The following FHIT variants were observed in gnomAD, a reference collection of about 807,000 sequenced individuals.
FHIT encodes the protein fragile histidine triad diadenosine triphosphatase.
A neutral mutation model predicts 17.9 loss-of-function variants in FHIT; 19 were observed. That is an observed-to-expected ratio of 1.06 (90% CI 0.74 to 1.56). The LOEUF is 1.56. FHIT is among the 40% of genes most tolerant of loss of function. The pLI, the probability that FHIT is intolerant of heterozygous loss-of-function variation, is 0.00. For missense variants in FHIT, 248 were observed against 189.2 expected (o/e 1.31, Z -1.82); for synonymous variants, 81 against 69.7 (o/e 1.16, Z -0.81).
At chr3:59,767,615 G>A (rs947365284) in intron 8 of FHIT, among the ~76,000 whole-genome samples, 2 of 152,180 alleles carry the variant, frequency 1.3e-5, no homozygotes, top group Admixed American at 1.3e-4. Flanking sequence ...CAACATTAAG[G>A]ATGGAATAAT....
At chr3:60,758,080 G>C (rs1317646757) in intron 4 of FHIT, among the ~76,000 whole-genome samples, 1 of 152,132 alleles carries the variant, frequency 6.6e-6, no homozygotes, top group Non-Finnish European at 1.5e-5. Flanking sequence ...TAGGATATTA[G>C]TCCCTCAGCA....
intron 8 of FHIT, among the ~76,000 whole-genome samples, chr3:59,811,725 G>A (rs765224662): frequency 2.0e-5 from 3 of 152,196 alleles, no homozygotes; most frequent in Non-Finnish European, 4.4e-5. Flanking sequence ...GCTGCAGAGA[G>A]AGGAATATAT....
rs17063215 is a variant in FHIT at position 60,463,962 on chromosome 3, G to C, written c.103+72898C>G. Among the ~76,000 whole-genome samples the C allele has an allele frequency of 9.3e-3, 1,417 of 152,300 alleles. 14 individuals carry two copies. Among genetic ancestry groups the C allele is most frequent in the East Asian group, 0.037 (191 of 5,188 alleles). On this transcript the variant is annotated intron_variant, in intron 5 of 9. Coordinates refer to ENST00000492590, the MANE Select transcript of FHIT (RefSeq NM_002012.4). Reference sequence around the variant, plus strand: ...CTACTTTGGCCATTCTAGCAAGTGTGTGGCAAAGAGGGATAACAGAAGCTC... The same window carrying C: ...CTACTTTGGCCATTCTAGCAAGTGTCTGGCAAAGAGGGATAACAGAAGCTC...
chr3:60,476,503 G>A (rs1170195805), intron 5 of FHIT, among the ~76,000 whole-genome samples: 1 of 152,164 alleles, frequency 6.6e-6, no homozygotes, highest in South Asian at 2.1e-4. Context: ...TCAACGATTG[G>A]GCAGAAAGGA....
intron 4 of FHIT, among the ~76,000 whole-genome samples, chr3:60,673,318 GT>G (rs1553694484): frequency 6.6e-6 from 1 of 152,100 alleles, no homozygotes; most frequent in East Asian, 1.9e-4. Context: ...TAAAACTTAG[GT>G]TTTGTTTATG....
At chr3:60,697,403 A>G (rs991512992) in intron 4 of FHIT, among the ~76,000 whole-genome samples, 3 of 152,158 alleles carry the variant, frequency 2.0e-5, no homozygotes, top group African/African-American at 7.2e-5. Context: ...CTGTTCATAC[A>G]TGTCATATGC....
chr3:60,107,063 C>T (rs6807027), intron 5 of FHIT, among the ~76,000 whole-genome samples: 91,360 of 151,098 alleles, frequency 0.6, 28,730 homozygotes, highest in South Asian at 0.72. Flanking sequence ...CTGAATTTTA[C>T]ATGCATTTGA....
At chr3:61,161,404 A>G (rs1053355611) in intron 2 of FHIT, among the ~76,000 whole-genome samples, 15 of 152,146 alleles carry the variant, frequency 9.9e-5, no homozygotes, top group Admixed American at 1.3e-4. Flanking sequence ...GGGTTTCACC[A>G]TGTTAGCCAG....
chr3:60,900,446 GA>G (rs71092653), intron 3 of FHIT, among the ~76,000 whole-genome samples: 7 of 147,348 alleles, frequency 4.8e-5, no homozygotes, highest in East Asian at 2.0e-4. Flanking sequence ...CAAAAGAAAA[GA>G]AAAAAAAAAG....
intron 5 of FHIT, among the ~76,000 whole-genome samples, chr3:60,156,844 G>A (rs1349405616): frequency 6.6e-6 from 1 of 152,076 alleles, no homozygotes; most frequent in Non-Finnish European, 1.5e-5. Flanking sequence ...TGTATGAATT[G>A]TGACTCTGTC....
At chr3:60,436,614 A>T (rs2030273406) in intron 5 of FHIT, among the ~76,000 whole-genome samples, 2 of 152,102 alleles carry the variant, frequency 1.3e-5, no homozygotes, top group South Asian at 4.1e-4. Flanking sequence ...CATTCTTCAT[A>T]AATCAAGTTG....
At chr3:60,052,241 A>T (rs76862683) in intron 5 of FHIT, among the ~76,000 whole-genome samples, 2,047 of 152,244 alleles carry the variant, frequency 0.013, 46 homozygotes, top group African/African-American at 0.047. Flanking sequence ...AACAGCATTA[A>T]TTCTAGCAGG....
intron 2 of FHIT, among the ~76,000 whole-genome samples, chr3:61,098,928 T>C (rs111888732): frequency 0.043 from 6,586 of 152,296 alleles, 485 homozygotes; most frequent in African/African-American, 0.15. Flanking sequence ...TCTTGCCTGA[T>C]TGCCCTGGCC....
intron 5 of FHIT, among the ~76,000 whole-genome samples, chr3:60,486,639 T>C (rs1439799505): frequency 1.3e-5 from 2 of 152,282 alleles, no homozygotes; most frequent in East Asian, 1.9e-4. Flanking sequence ...TTGAAGGTAA[T>C]ATTCCAGATG....
At chr3:61,201,133 TC>T (rs974089643) in intron 1 of FHIT, among the ~76,000 whole-genome samples, 5 of 152,204 alleles carry the variant, frequency 3.3e-5, no homozygotes, top group Admixed American at 6.5e-5. Flanking sequence ...AATATAAACC[TC>T]ACCACTTGCT....
chr3:60,623,512 T>C (rs1386749460), intron 4 of FHIT, among the ~76,000 whole-genome samples: 1 of 152,184 alleles, frequency 6.6e-6, no homozygotes, highest in Non-Finnish European at 1.5e-5. Context: ...AAATCTGTGC[T>C]GGGCTGTGTT....
chr3:61,188,365 T>C (rs1281011492), intron 2 of FHIT, among the ~76,000 whole-genome samples: 1 of 152,002 alleles, frequency 6.6e-6, no homozygotes, highest in African/African-American at 2.4e-5. Context: ...ACATACAACC[T>C]CCCAAGACTA....
intron 5 of FHIT, among the ~76,000 whole-genome samples, chr3:60,451,076 T>A (rs895074295): frequency 5.3e-5 from 8 of 152,200 alleles, no homozygotes; most frequent in African/African-American, 9.6e-5. Context: ...AACATTAACA[T>A]AGTTTGAATT....
intron 3 of FHIT, among the ~76,000 whole-genome samples, chr3:60,837,867 T>A (rs190636462): frequency 6.6e-6 from 1 of 152,278 alleles, no homozygotes; most frequent in Admixed American, 6.5e-5. Flanking sequence ...TTGAGTAACA[T>A]ATAGAAACCC....
Sources: gnomAD v4.1 joint callset for allele counts (sites outside exome capture counted in the v4.1 genomes callset) on GRCh38, gnomAD v4.1.1 for gene constraint, MANE v1.5 for transcripts, NCBI Gene and HGNC (gene_info 2026-07-23, HGNC 2026-07-21) for gene names.